Variants in NUBPL observed in about 807,000 individuals in gnomAD.
The protein encoded by NUBPL is NUBP iron-sulfur cluster assembly factor, mitochondrial.
A neutral mutation model predicts 45.7 loss-of-function variants in NUBPL; 31 were observed. The observed-to-expected ratio is 0.68, with a 90% confidence interval of 0.51 to 0.92. NUBPL has a LOEUF of 0.92. Ranked by LOEUF, NUBPL falls within the 40% of genes least tolerant of loss-of-function variation. The pLI, the probability that NUBPL is intolerant of heterozygous loss-of-function variation, is 0.00. For missense variants in NUBPL, 401 were observed against 398.7 expected (o/e 1.01, Z -0.05); for synonymous variants, 144 against 140.9 (o/e 1.02, Z -0.15).
intron 7 of NUBPL, among the ~76,000 whole-genome samples, chr14:31,804,755 C>G (rs1209941664): frequency 2.0e-5 from 3 of 152,200 alleles, no homozygotes; most frequent in East Asian, 3.9e-4. Context: ...GAAGCTGGAA[C>G]CCTCCCTTAC....
At position 31,562,123 on chromosome 14, in the gene NUBPL, G is replaced by C. The variant is rs757085009; in HGVS notation, c.164G>C (p.Arg55Pro). 3 of 1,613,550 alleles carry C rather than the reference G, an allele frequency of 1.9e-6. No homozygotes were observed. The East Asian group carries it at 6.7e-5, about 36-fold the overall frequency. The change falls in exon 2 of 11, where the codon CGA becomes CCA. Residue 55 changes from arginine to proline, a missense_variant. Arg to Pro is a moderately radical substitution (Grantham distance 103, BLOSUM62 -2). Transcript: ENST00000281081. ...LKQRRTQIMS[R>P]GLPKQKPIEG... ...CAAAGAAGAACACAAATCATGTCCC[G>C]AGGACTTCCAAAGCAGAAACCGATA...
At chr14:31,603,346 T>C (rs1026211148) in intron 4 of NUBPL, among the ~76,000 whole-genome samples, 2 of 149,036 alleles carry the variant, frequency 1.3e-5, no homozygotes, top group Non-Finnish European at 3.0e-5. Flanking sequence ...AAAAAAGGAA[T>C]TGGAAAAACT....
rs200311986 is a variant in NUBPL, at chr14:31,617,840, C to T, written c.382+18461C>T. Among the ~76,000 whole-genome samples, 5 of 152,246 alleles carry T rather than the reference C, an allele frequency of 3.3e-5. No individual in the cohort carries two copies. The East Asian group carries it at 7.7e-4, about 23-fold the overall frequency. ...CTTTTTCTATTGATTGGAATAGTTT[C>T]AGAAGGAATGGTACCAGCTCCTCTT... On this transcript the variant is annotated intron_variant, in intron 4 of 10. Coordinates refer to ENST00000281081, the MANE Select transcript of NUBPL (RefSeq NM_025152.3).
intron 6 of NUBPL, among the ~76,000 whole-genome samples, chr14:31,721,181 A>G (rs564401551): frequency 7.9e-5 from 12 of 152,308 alleles, no homozygotes; most frequent in South Asian, 4.1e-4. Context: ...TTACTTCATT[A>G]GTACAAAGTC....
At chr14:31,746,589 T>C (rs1213371600) in intron 6 of NUBPL, among the ~76,000 whole-genome samples, 1 of 151,994 alleles carries the variant, frequency 6.6e-6, no homozygotes, top group Non-Finnish European at 1.5e-5. Context: ...TTTTCTAATA[T>C]TTTGTTGACA....
At chr14:31,846,246 T>G (rs2040449888) in intron 8 of NUBPL, 1 of 486,874 alleles carries the variant, frequency 2.1e-6, no homozygotes, top group Non-Finnish European at 3.7e-6. Flanking sequence ...TTCCTGTTCA[T>G]TCATCTCTTT....
At chr14:31,617,189 T>C (rs1025595405) in intron 4 of NUBPL, among the ~76,000 whole-genome samples, 1 of 152,174 alleles carries the variant, frequency 6.6e-6, no homozygotes, top group Non-Finnish European at 1.5e-5. Flanking sequence ...ATGATGGGGC[T>C]TTCTAAATAT....
chr14:31,751,201 C>G (rs112346458), intron 6 of NUBPL, among the ~76,000 whole-genome samples: 1,623 of 152,338 alleles, frequency 0.011, 23 homozygotes, highest in African/African-American at 0.037. Flanking sequence ...CCTCCCAAAT[C>G]TCATGTCCTT....
At chr14:31,844,506 G>A (rs1238492243) in intron 8 of NUBPL, 12 of 152,218 alleles carry the variant, frequency 7.9e-5, no homozygotes, top group African/African-American at 2.9e-4. Context: ...TTTTGTGATA[G>A]TGTGCATCAG....
intron 6 of NUBPL, among the ~76,000 whole-genome samples, chr14:31,694,272 C>T (rs1414840761): frequency 6.6e-6 from 1 of 152,096 alleles, no homozygotes; most frequent in Non-Finnish European, 1.5e-5. Flanking sequence ...TTCTCCTTTC[C>T]ATTTTAAAAT....
chr14:31,641,434 T>C (rs1372160379), intron 4 of NUBPL, among the ~76,000 whole-genome samples: 1 of 152,154 alleles, frequency 6.6e-6, no homozygotes. Context: ...GTGATATTTG[T>C]CTTTCTAGGC....
At chr14:31,574,672 C>A (rs1054771634) in intron 3 of NUBPL, among the ~76,000 whole-genome samples, 9 of 148,174 alleles carry the variant, frequency 6.1e-5, no homozygotes, top group African/African-American at 2.3e-4. Flanking sequence ...CTCACTGCAA[C>A]CTTTGCCTCC....
rs1335470558 is a variant in NUBPL at position 31,711,487 on chromosome 14, A to G, written c.513+37913A>G. Among the ~76,000 whole-genome samples, 7 of 152,204 alleles carry G rather than the reference A, an allele frequency of 4.6e-5. No homozygotes were observed. The East Asian group carries it at 1.4e-3, about 30-fold the overall frequency. On this transcript the variant is annotated intron_variant, in intron 6 of 10. Coordinates refer to ENST00000281081, the MANE Select transcript of NUBPL (RefSeq NM_025152.3). ...TAGGTGATAGTCTTACTGCTTGGCA[A>G]TAGGCGATAGTCTTACTGCTTGGCG...
intron 4 of NUBPL, among the ~76,000 whole-genome samples, chr14:31,614,342 A>C (rs2139609554): frequency 6.6e-6 from 1 of 152,326 alleles, no homozygotes; most frequent in East Asian, 1.9e-4. Flanking sequence ...AGTTTTAATA[A>C]TCAGAAAGTA....
chr14:31,573,309 T>G (rs1163427576), intron 3 of NUBPL, among the ~76,000 whole-genome samples: 1 of 152,306 alleles, frequency 6.6e-6, no homozygotes, highest in Middle Eastern at 3.4e-3. Context: ...CTTGGCCCTC[T>G]TCTCATTTTA....
intron 4 of NUBPL, among the ~76,000 whole-genome samples, chr14:31,606,510 G>A (rs780763890): frequency 5.3e-5 from 8 of 152,180 alleles, no homozygotes; most frequent in Admixed American, 1.3e-4. Flanking sequence ...TGTTGCTGAA[G>A]GTGTTAACAT....
intron 7 of NUBPL, among the ~76,000 whole-genome samples, chr14:31,814,516 G>A (rs545163186): frequency 6.6e-6 from 1 of 151,832 alleles, no homozygotes; most frequent in Admixed American, 6.6e-5. Context: ...TTCTTTTGCT[G>A]TGCAGAATCT....
intron 4 of NUBPL, among the ~76,000 whole-genome samples, chr14:31,660,629 G>T (rs1223493320): frequency 1.3e-5 from 2 of 151,986 alleles, no homozygotes; most frequent in African/African-American, 4.8e-5. Context: ...ATAAAATGAG[G>T]TTGTATATTC....
intron 6 of NUBPL, among the ~76,000 whole-genome samples, chr14:31,706,112 C>T (rs2037445520): frequency 6.6e-6 from 1 of 152,106 alleles, no homozygotes; most frequent in South Asian, 2.1e-4. Context: ...GAGGAGATGC[C>T]AAGAGTGAGC....
Sources: allele counts gnomAD v4.1 joint callset (sites outside exome capture counted in the v4.1 genomes callset), GRCh38; gene constraint gnomAD v4.1.1; transcripts MANE v1.5; gene names NCBI Gene and HGNC (gene_info 2026-07-23, HGNC 2026-07-21).